Variants in DMD observed in about 807,000 individuals in gnomAD.
DMD encodes the protein mutant dystrophin.
A neutral mutation model predicts 330.1 loss-of-function variants in DMD; 63 were observed. That is an observed-to-expected ratio of 0.19 (90% CI 0.16 to 0.24). DMD has a LOEUF of 0.24. DMD is among the 10% of genes least tolerant of loss of function. The probability of loss-of-function intolerance (pLI) is 1.00; values close to 1 mark genes in which losing one functional copy is unlikely to be tolerated. For missense variants in DMD, 3,344 were observed against 2,684.1 expected (o/e 1.25, Z -5.43); for synonymous variants, 1,223 against 959.8 (o/e 1.27, Z -5.07).
At chrX:33,207,046 A>G (rs1265996353) in intron 1 of DMD, among the ~76,000 whole-genome samples, 1 of 110,312 alleles carries the variant, frequency 9.1e-6, no homozygotes, top group African/African-American at 3.3e-5. Context: ...GAAAGGCCCC[A>G]GGGTGTGTTG....
At chrX:32,819,665 T>C (rs377260487) in intron 5 of DMD, among the ~76,000 whole-genome samples, 1 of 110,621 alleles carries the variant, frequency 9.0e-6, no homozygotes, top group South Asian at 3.9e-4. Flanking sequence ...AAGTCCTCCA[T>C]GGCACTATTA....
At chrX:32,530,052 C>G (rs976841796) in intron 17 of DMD, among the ~76,000 whole-genome samples, 3 of 111,832 alleles carry the variant, frequency 2.7e-5, no homozygotes, top group Admixed American at 9.5e-5. Context: ...ACTAAAAAAT[C>G]AATTTCTGTG....
chrX:31,241,881 A>G (rs1321798682), intron 63 of DMD, among the ~76,000 whole-genome samples: 1 of 111,595 alleles, frequency 9.0e-6, no homozygotes, highest in African/African-American at 3.3e-5. Context: ...CCCATTGCCA[A>G]TCAAATGCAA....
At chrX:33,105,849 G>T (rs2095282054) in intron 1 of DMD, among the ~76,000 whole-genome samples, 1 of 111,294 alleles carries the variant, frequency 9.0e-6, no homozygotes, top group African/African-American at 3.3e-5. Flanking sequence ...TACCTCTCTG[G>T]AAAACAGTAT....
intron 2 of DMD, among the ~76,000 whole-genome samples, chrX:32,898,741 T>G (rs2085955144): frequency 9.0e-6 from 1 of 111,195 alleles, no homozygotes; most frequent in African/African-American, 3.3e-5. Flanking sequence ...GGGGATCACT[T>G]TTGTTGCCAT....
intron 52 of DMD, among the ~76,000 whole-genome samples, chrX:31,729,136 G>A (rs1054985137): frequency 2.7e-5 from 3 of 111,917 alleles, no homozygotes; most frequent in Non-Finnish European, 5.6e-5. Flanking sequence ...CCCTACTACG[G>A]CATAAGGTAC....
intron 44 of DMD, among the ~76,000 whole-genome samples, chrX:32,052,549 C>T (rs866985067): frequency 1.8e-5 from 2 of 110,994 alleles, no homozygotes; most frequent in African/African-American, 6.5e-5. Flanking sequence ...AAAAGGACCA[C>T]GAGAAGAATA....
intron 55 of DMD, among the ~76,000 whole-genome samples, chrX:31,520,335 T>C (rs745676766): frequency 1.6e-3 from 172 of 110,423 alleles, no homozygotes; most frequent in Non-Finnish European, 2.0e-3. Context: ...TGAGATTTGA[T>C]GGTTTTATAA....
chrX:31,713,812 G>C (rs1280830489), intron 52 of DMD, among the ~76,000 whole-genome samples: 1 of 111,671 alleles, frequency 9.0e-6, no homozygotes, highest in Non-Finnish European at 1.9e-5. Flanking sequence ...CTTGCACACT[G>C]TAAGCACATA....
intron 41 of DMD, among the ~76,000 whole-genome samples, chrX:32,326,210 G>A (rs1313650083): frequency 1.8e-5 from 2 of 111,640 alleles, no homozygotes; most frequent in Non-Finnish European, 3.8e-5. Flanking sequence ...ACAAGTTTGA[G>A]AGTTACCCTG....
At chrX:32,764,195 CACA>C in intron 7 of DMD, among the ~76,000 whole-genome samples, 1 of 110,062 alleles carries the variant, frequency 9.1e-6, no homozygotes, top group East Asian at 2.8e-4. Flanking sequence ...GACAATTGAG[CACA>C]ACTACATTAA....
intron 9 of DMD, among the ~76,000 whole-genome samples, chrX:32,651,937 G>T (rs1308130199): frequency 1.8e-5 from 2 of 111,673 alleles, no homozygotes; most frequent in African/African-American, 6.5e-5. Context: ...TAATCCCTAT[G>T]ATTTGCCTTT....
chrX:31,192,072 C>T (rs2042425011), intron 67 of DMD, among the ~76,000 whole-genome samples: 1 of 112,310 alleles, frequency 8.9e-6, no homozygotes, highest in Admixed American at 9.4e-5. Flanking sequence ...TCTGTTATTA[C>T]AATTTCTTTA....
At chrX:33,015,513 AAGGT>A (rs2093784654) in intron 2 of DMD, among the ~76,000 whole-genome samples, 1 of 110,556 alleles carries the variant, frequency 9.0e-6, no homozygotes, top group Admixed American at 9.7e-5. Context: ...AGCTTATCGG[AAGGT>A]GGAGGGTGGG....
At position 32,050,107 on chromosome X, in the gene DMD, A is replaced by G. The variant is rs1161658852; in HGVS notation, c.6439-81593T>C. ...GAGTATAAACAAATAGAAACACACT[A>G]AAGACAATTATGCATTTTAATAAAA... On this transcript the variant is annotated intron_variant, in intron 44 of 78. Coordinates refer to ENST00000357033, the MANE Select transcript of DMD (RefSeq NM_004006.3). Among the ~76,000 whole-genome samples, 6 of 111,927 alleles carry G rather than the reference A, an allele frequency of 5.4e-5. No individual in the cohort carries two copies. The East Asian group carries it at 1.1e-3, about 21-fold the overall frequency.
chrX:32,208,350 T>C (rs1041541156), intron 44 of DMD, among the ~76,000 whole-genome samples: 1 of 112,018 alleles, frequency 8.9e-6, no homozygotes. Context: ...AACTGTTCAT[T>C]ACATGCAAAT....
At chrX:31,973,274 A>G (rs754716304) in intron 44 of DMD, among the ~76,000 whole-genome samples, 1 of 108,852 alleles carries the variant, frequency 9.2e-6, no homozygotes, top group Non-Finnish European at 1.9e-5. Context: ...AGGAAAATGG[A>G]GAGAAGGGCA....
At chrX:33,280,419 T>C (rs1461495281) in intron 1 of DMD, among the ~76,000 whole-genome samples, 1 of 112,350 alleles carries the variant, frequency 8.9e-6, no homozygotes, top group Non-Finnish European at 1.9e-5. Context: ...ATCCCAAATA[T>C]GTTCTATTTT....
intron 30 of DMD, among the ~76,000 whole-genome samples, chrX:32,406,183 T>A: frequency 9.0e-6 from 1 of 111,591 alleles, no homozygotes; most frequent in Middle Eastern, 4.6e-3. Context: ...AGATATACAA[T>A]CATGTCATCT....
Sources: gnomAD v4.1 joint callset for allele counts (sites outside exome capture counted in the v4.1 genomes callset) on GRCh38, gnomAD v4.1.1 for gene constraint, MANE v1.5 for transcripts, NCBI Gene and HGNC (gene_info 2026-07-23, HGNC 2026-07-21) for gene names.